Variants in PMFBP1 observed in about 807,000 individuals in gnomAD.
PMFBP1 encodes the protein polyamine-modulated factor 1-binding protein 1.
Under a neutral mutation model 137.8 loss-of-function variants are expected in PMFBP1, and 131 were observed. The ratio of observed to expected loss-of-function variants is 0.95; its 90% CI spans 0.82 to 1.10. The LOEUF is 1.10. PMFBP1 is among the 50% of genes least tolerant of loss of function. The pLI, the probability that PMFBP1 is intolerant of heterozygous loss-of-function variation, is 0.00. For missense variants in PMFBP1, 1,199 were observed against 1,175.4 expected (o/e 1.02, Z -0.29); for synonymous variants, 490 against 450.4 (o/e 1.09, Z -1.11).
At chr16:72,134,691 G>C (rs1343757034) in intron 9 of PMFBP1, among the ~76,000 whole-genome samples, 1 of 152,126 alleles carries the variant, frequency 6.6e-6, no homozygotes, top group Non-Finnish European at 1.5e-5. Context: ...CCCCACCTCA[G>C]TGCCTTTGCA....
At chr16:72,249,486 A>C in the PMFBP1 span, among the ~76,000 whole-genome samples, 2 of 152,228 alleles carry the variant, frequency 1.3e-5, no homozygotes, top group South Asian at 4.1e-4. Flanking sequence ...TTAACCTTTA[A>C]AAAGTAGATA....
chr16:72,146,419 T>C (rs535237558), intron 5 of PMFBP1, among the ~76,000 whole-genome samples: 6 of 152,274 alleles, frequency 3.9e-5, no homozygotes, highest in Admixed American at 2.6e-4. Flanking sequence ...GCCAATATCA[T>C]ACTGAAAGGG....
At chr16:72,128,584 G>A (rs1331048026) in intron 14 of PMFBP1, 73 bp downstream of exon 14, 2 of 1,612,642 alleles carry the variant, frequency 1.2e-6, no homozygotes, top group Non-Finnish European at 8.5e-7. Context: ...GTGGAGGAGA[G>A]GTGGGTACAG....
intron 5 of PMFBP1, among the ~76,000 whole-genome samples, chr16:72,143,176 T>C (rs2042748832): frequency 1.3e-5 from 2 of 152,250 alleles, no homozygotes; most frequent in South Asian, 4.1e-4. Flanking sequence ...ATACTTACAA[T>C]TTGAGAAAGG....
At chr16:72,193,486 T>G in the PMFBP1 span, among the ~76,000 whole-genome samples, 5 of 152,172 alleles carry the variant, frequency 3.3e-5, no homozygotes, top group Non-Finnish European at 7.3e-5. Context: ...TAGGTGATTA[T>G]CATTATTGCT....
chr16:72,136,802 C>G lies in PMFBP1; in HGVS notation c.936G>C (p.Gln312His), dbSNP rs2042639882. The G allele has an allele frequency of 6.2e-7, 1 of 1,614,066 alleles. No individual in the cohort carries two copies. Among genetic ancestry groups the G allele is most frequent in the Non-Finnish European group, 8.5e-7 (1 of 1,180,046 alleles). The change falls in exon 8 of 21, where the codon CAG becomes CAC. Residue 312 changes from glutamine to histidine, a missense_variant. Physicochemically the swap from Gln to His is conservative, Grantham distance 24. Transcript: ENST00000237353. ...EDIKKILKHL[Q>H]EQKDSQCLHV... ...GCAGGCACTGGCTGTCTTTCTGCTC[C>G]TGCAAGTGCTTCAGTATCTGGCAGA...
the PMFBP1 span, among the ~76,000 whole-genome samples, chr16:72,237,341 T>C: frequency 6.6e-6 from 1 of 152,096 alleles, no homozygotes; most frequent in Non-Finnish European, 1.5e-5. Context: ...CTTGGCCATA[T>C]CTAAGAAAGG....
chr16:72,170,037 T>G (rs1175071288), intron 2 of PMFBP1, among the ~76,000 whole-genome samples: 1 of 38,878 alleles, frequency 2.6e-5, no homozygotes, highest in African/African-American at 8.0e-5. Flanking sequence ...TTCACAGACT[T>G]TTTTCACTAT....
the PMFBP1 span, among the ~76,000 whole-genome samples, chr16:72,219,558 G>A: frequency 6.6e-6 from 1 of 152,004 alleles, no homozygotes; most frequent in Admixed American, 6.6e-5. Context: ...TGGGCGGGGG[G>A]GCCTGTTTGC....
chr16:72,150,406 A>G (rs1320568872), intron 5 of PMFBP1, among the ~76,000 whole-genome samples: 2 of 152,196 alleles, frequency 1.3e-5, no homozygotes, highest in African/African-American at 4.8e-5. Context: ...TGTTAATTAA[A>G]GAGCCTCAAA....
At chr16:72,186,550 T>C in the PMFBP1 span, among the ~76,000 whole-genome samples, 18 of 151,884 alleles carry the variant, frequency 1.2e-4, no homozygotes, top group African/African-American at 4.1e-4. Context: ...GCCATGAAGG[T>C]TTTCGAGCTG....
Position 72,139,510 on chromosome 16 carries a change from T to C in PMFBP1, c.808-111A>G, listed in dbSNP as rs769714520. Reference sequence around the variant, plus strand: ...GCAGCATAAGTTTGTTGCAGAATTATACAATTCATCAGGCATTCCCTGTGG... The same window carrying C: ...GCAGCATAAGTTTGTTGCAGAATTACACAATTCATCAGGCATTCCCTGTGG... On this transcript the variant is annotated intron_variant, in intron 6 of 20. Transcript: ENST00000237353. 5 of 874,738 alleles carry C rather than the reference T, an allele frequency of 5.7e-6. No individual in the cohort carries two copies. The Admixed American group carries it at 8.1e-5, about 14-fold the overall frequency. 54.2% of individuals were successfully genotyped at this position (874,738 alleles called of 1,614,324 possible).
chr16:72,240,726 C>T, the PMFBP1 span, among the ~76,000 whole-genome samples: 1 of 152,208 alleles, frequency 6.6e-6, no homozygotes, highest in African/African-American at 2.4e-5. Flanking sequence ...GCTGAGTGTC[C>T]TAGGACAAGT....
At chr16:72,234,943 G>C in the PMFBP1 span, among the ~76,000 whole-genome samples, 1 of 152,108 alleles carries the variant, frequency 6.6e-6, no homozygotes, top group African/African-American at 2.4e-5. Flanking sequence ...CTGGATACAA[G>C]TTATTTATCA....
intron 1 of PMFBP1, chr16:72,171,760 T>C (rs2144535225): frequency 6.6e-6 from 1 of 152,474 alleles, no homozygotes; most frequent in South Asian, 2.1e-4. Flanking sequence ...CTCTTACTAC[T>C]CTATGAGGAG....
At chr16:72,158,651 C>T (rs987520867) in intron 3 of PMFBP1, among the ~76,000 whole-genome samples, 10 of 152,028 alleles carry the variant, frequency 6.6e-5, no homozygotes, top group African/African-American at 2.4e-4. Flanking sequence ...GAGTGAACAT[C>T]CTGTGGTAGG....
upstream of PMFBP1, chr16:72,172,205 T>C (rs2043228839): frequency 6.6e-6 from 1 of 152,084 alleles, no homozygotes; most frequent in Admixed American, 6.6e-5. Context: ...TCTGATTTCC[T>C]GCATTGAGTA....
chr16:72,134,753 G>A (rs1267668442), intron 9 of PMFBP1, among the ~76,000 whole-genome samples: 2 of 152,174 alleles, frequency 1.3e-5, no homozygotes, highest in East Asian at 1.9e-4. Flanking sequence ...CTGCCTGGGT[G>A]GCTCCCTCAC....
rs144961500 is a variant in PMFBP1, at chr16:72,132,993, T to A, written c.1204-2A>T. 3 of 1,613,906 alleles carry A rather than the reference T, an allele frequency of 1.9e-6. No individual in the cohort carries two copies. The African/African-American group carries it at 4.0e-5, about 22-fold the overall frequency. Reference sequence around the variant, plus strand: ...CATCTCATCTTTCTCTTGGAGGAACTGAAGACAGCAAAATGCAAATGCTGG... The same window carrying A: ...CATCTCATCTTTCTCTTGGAGGAACAGAAGACAGCAAAATGCAAATGCTGG... On this transcript the variant is annotated splice_acceptor_variant, in intron 9 of 20. Transcript: ENST00000237353. LOFTEE classifies it high-confidence loss of function.
Sources: gnomAD v4.1 joint callset for allele counts (sites outside exome capture counted in the v4.1 genomes callset) on GRCh38, gnomAD v4.1.1 for gene constraint, MANE v1.5 for transcripts, NCBI Gene and HGNC (gene_info 2026-07-23, HGNC 2026-07-21) for gene names.